STX8: variants seen among roughly 807,000 people sequenced by gnomAD.
STX8 encodes the protein syntaxin 8, also known as syntaxin-8.
STX8 carries 23 observed loss-of-function variants against 37.5 expected under a neutral mutation model. The observed-to-expected ratio is 0.61, with a 90% CI of 0.44 to 0.87. STX8 has a LOEUF of 0.87. Among genes scored for constraint, STX8 ranks in the 40% least tolerant of loss-of-function variants. The probability of loss-of-function intolerance (pLI) is 0.00; values close to 1 mark genes in which losing one functional copy is unlikely to be tolerated. For missense variants in STX8, 313 were observed against 284.7 expected, an observed-to-expected ratio of 1.10 and a Z score of -0.71; for synonymous variants, 115 against 99.1, an observed-to-expected ratio of 1.16 and a Z score of -0.95.
rs868671422 is a variant in STX8, at chr17:9,316,733, A to T, written c.643+61819T>A. ...TTAAGCAAATAATCGAACCCAAGGA[A>T]GGGGTCCTGGGAACCCCCAATTTAC... On this transcript the variant is annotated intron_variant, in intron 7 of 7. Transcript: ENST00000306357. Among the ~76,000 whole-genome samples, 14 of 152,370 alleles carry T rather than the reference A, an allele frequency of 9.2e-5. No individual in the cohort carries two copies. The Middle Eastern group carries it at 0.01, about 111-fold the overall frequency.
intron 6 of STX8, among the ~76,000 whole-genome samples, chr17:9,389,520 G>A (rs1912134716): frequency 6.6e-6 from 1 of 152,174 alleles, no homozygotes; most frequent in South Asian, 2.1e-4. Context: ...ACCACAAAAT[G>A]ACAGCATCAC....
chr17:9,385,825 G>A (rs1911982046), intron 6 of STX8, among the ~76,000 whole-genome samples: 1 of 152,224 alleles, frequency 6.6e-6, no homozygotes, highest in South Asian at 2.1e-4. Flanking sequence ...TGGAGCTGGA[G>A]TGCAGTGGCA....
At chr17:9,406,017 A>C (rs191334994) in intron 6 of STX8, among the ~76,000 whole-genome samples, 1 of 152,190 alleles carries the variant, frequency 6.6e-6, no homozygotes. Flanking sequence ...CTGCATTTTC[A>C]ATATGAGATT....
intron 4 of STX8, among the ~76,000 whole-genome samples, chr17:9,528,391 G>A (rs768352544): frequency 2.8e-4 from 43 of 152,314 alleles, no homozygotes; most frequent in Non-Finnish European, 4.6e-4. Flanking sequence ...TCCGCCTCCC[G>A]AGTTCAAGCG....
intron 7 of STX8, among the ~76,000 whole-genome samples, chr17:9,294,074 T>C (rs1298387854): frequency 6.6e-6 from 1 of 152,170 alleles, no homozygotes; most frequent in Non-Finnish European, 1.5e-5. Context: ...CCAAGTCTTA[T>C]TTTCTCCATC....
intron 6 of STX8, among the ~76,000 whole-genome samples, chr17:9,449,465 C>G (rs1372715349): frequency 1.3e-5 from 2 of 152,174 alleles, no homozygotes; most frequent in African/African-American, 4.8e-5. Flanking sequence ...GCGGCTGAGG[C>G]AGGAGAATGG....
intron 7 of STX8, among the ~76,000 whole-genome samples, chr17:9,303,143 T>C (rs557783433): frequency 2.4e-4 from 37 of 151,850 alleles, no homozygotes; most frequent in Middle Eastern, 3.4e-3. Flanking sequence ...ATACAAAAAT[T>C]AGCTGGGCGT....
At chr17:9,292,168 C>T (rs927276057) in intron 7 of STX8, among the ~76,000 whole-genome samples, 1 of 152,210 alleles carries the variant, frequency 6.6e-6, no homozygotes, top group African/African-American at 2.4e-5. Context: ...GGACGGAGTC[C>T]CTGCCCACAG....
chr17:9,260,157 C>T (rs1410327221), intron 7 of STX8, among the ~76,000 whole-genome samples: 1 of 151,902 alleles, frequency 6.6e-6, no homozygotes, highest in African/African-American at 2.4e-5. Context: ...CCCACCTCTA[C>T]AAAGAGTATT....
At chr17:9,337,647 G>A (rs555421077) in intron 7 of STX8, among the ~76,000 whole-genome samples, 4 of 152,310 alleles carry the variant, frequency 2.6e-5, no homozygotes, top group East Asian at 1.9e-4. Flanking sequence ...GATTACAGGC[G>A]TAAGCCACTG....
intron 6 of STX8, among the ~76,000 whole-genome samples, chr17:9,453,014 C>A (rs1905089578): frequency 6.6e-6 from 1 of 152,086 alleles, no homozygotes; most frequent in African/African-American, 2.4e-5. Flanking sequence ...TCATGTTGGC[C>A]AAGCTGGTCT....
chr17:9,451,874 A>T (rs1567566944), intron 6 of STX8, among the ~76,000 whole-genome samples: 1 of 152,132 alleles, frequency 6.6e-6, no homozygotes, highest in Non-Finnish European at 1.5e-5. Context: ...TTTGAGTTTG[A>T]TATTTTGCTT....
intron 7 of STX8, among the ~76,000 whole-genome samples, chr17:9,314,575 A>ATT (rs75864623): frequency 9.3e-5 from 12 of 128,898 alleles, no homozygotes; most frequent in African/African-American, 2.0e-4. Context: ...AATTTTTTGT[A>ATT]TTTTTTTTTT....
intron 6 of STX8, among the ~76,000 whole-genome samples, chr17:9,476,489 G>T (rs1027586460): frequency 6.7e-6 from 1 of 149,142 alleles, no homozygotes; most frequent in Non-Finnish European, 1.5e-5. Context: ...GTCTCGTTCT[G>T]TCACTCAGGC....
intron 5 of STX8, among the ~76,000 whole-genome samples, chr17:9,498,361 G>A (rs1904483956): frequency 6.7e-6 from 1 of 149,046 alleles, no homozygotes; most frequent in South Asian, 2.1e-4. Flanking sequence ...CTGCACTCCA[G>A]CCTGGGTGAC....
rs146237123 is a variant in STX8 at position 9,454,100 on chromosome 17, A to C, written c.541+37729T>G. 6.2e-4 allele frequency among the ~76,000 whole-genome samples: 94 copies of C among 152,348 alleles called. 1 individual carries two copies. The highest frequency in any genetic ancestry group is 2.2e-3 in the African/African-American group (91 of 41,582). ...ATATATACATCATTAAATAAATTGA[A>C]TATCATATTTGATTATTTCAGCTAT... On this transcript the variant is annotated intron_variant, in intron 6 of 7. Coordinates refer to ENST00000306357, the MANE Select transcript of STX8 (RefSeq NM_004853.3).
At chr17:9,340,920 G>T (rs1001082590) in intron 7 of STX8, among the ~76,000 whole-genome samples, 1 of 149,762 alleles carries the variant, frequency 6.7e-6, no homozygotes, top group African/African-American at 2.4e-5. Context: ...GCCTCTCAAA[G>T]TGCTGGGATT....
At chr17:9,433,595 G>C (rs1211603917) in intron 6 of STX8, among the ~76,000 whole-genome samples, 1 of 151,994 alleles carries the variant, frequency 6.6e-6, no homozygotes, top group East Asian at 1.9e-4. Flanking sequence ...CATGTTGTAG[G>C]CATTAAATAT....
At chr17:9,383,696 C>T (rs991694421) in intron 6 of STX8, among the ~76,000 whole-genome samples, 11 of 152,104 alleles carry the variant, frequency 7.2e-5, no homozygotes, top group African/African-American at 2.4e-4. Context: ...TTGCAGATGA[C>T]ATGATTGTAC....
Sources: gnomAD v4.1 joint callset for allele counts (sites outside exome capture counted in the v4.1 genomes callset) on GRCh38, gnomAD v4.1.1 for gene constraint, MANE v1.5 for transcripts, NCBI Gene and HGNC (gene_info 2026-07-23, HGNC 2026-07-21) for gene names.